CATSPERT: variants seen among roughly 807,000 people sequenced by gnomAD.
The protein encoded by CATSPERT is catsper channel auxiliary subunit tau.
chr2:201,572,176 AG>A, the CATSPERT span, among the ~76,000 whole-genome samples: 1 of 152,248 alleles, frequency 6.6e-6, no homozygotes, highest in Non-Finnish European at 1.5e-5. Context: ...GAATTAAGAG[AG>A]GAAAGAAGAC....
chr2:201,548,626 A>T, the CATSPERT span, among the ~76,000 whole-genome samples: 1 of 152,170 alleles, frequency 6.6e-6, no homozygotes, highest in Non-Finnish European at 1.5e-5. Flanking sequence ...AAGCTTGAAT[A>T]CCTTAAAGAT....
At chr2:201,592,450 G>A in the CATSPERT span, among the ~76,000 whole-genome samples, 2 of 147,498 alleles carry the variant, frequency 1.4e-5, no homozygotes, top group Non-Finnish European at 3.0e-5. Context: ...CTCTTTTTTG[G>A]TTGTGTCTCT....
At chr2:201,591,624 A>G in the CATSPERT span, among the ~76,000 whole-genome samples, 1 of 152,156 alleles carries the variant, frequency 6.6e-6, no homozygotes, top group Non-Finnish European at 1.5e-5. Flanking sequence ...TGAGCATGGA[A>G]TATTCTTCCA....
At chr2:201,530,352 A>C in the CATSPERT span, among the ~76,000 whole-genome samples, 1 of 152,238 alleles carries the variant, frequency 6.6e-6, no homozygotes, top group East Asian at 1.9e-4. Context: ...AAGCAACTTA[A>C]GTGTCTATCA....
chr2:201,575,351 A>G, the CATSPERT span: 4 of 1,557,070 alleles, frequency 2.6e-6, no homozygotes, highest in African/African-American at 1.4e-5. Flanking sequence ...AAAAATTTTA[A>G]ATATAGAATT....
the CATSPERT span, among the ~76,000 whole-genome samples, chr2:201,584,987 C>G: frequency 6.6e-6 from 1 of 152,066 alleles, no homozygotes; most frequent in African/African-American, 2.4e-5. Flanking sequence ...AGGTGACAGA[C>G]TGACAAGTGA....
chr2:201,591,444 C>T, the CATSPERT span, among the ~76,000 whole-genome samples: 2 of 152,102 alleles, frequency 1.3e-5, no homozygotes, highest in African/African-American at 4.8e-5. Flanking sequence ...GTTCTTTTGG[C>T]TTAGGATTGA....
chr2:201,586,080 C>A, the CATSPERT span, among the ~76,000 whole-genome samples: 2 of 152,162 alleles, frequency 1.3e-5, no homozygotes, highest in African/African-American at 4.8e-5. Flanking sequence ...ACTTAATGAA[C>A]AGTAAATACG....
chr2:201,560,365 G>A, the CATSPERT span, among the ~76,000 whole-genome samples: 2 of 151,682 alleles, frequency 1.3e-5, no homozygotes, highest in African/African-American at 4.8e-5. Context: ...GGAGGTTGCA[G>A]TGAGCCGAGA....
At chr2:201,509,459 A>G in the CATSPERT span, among the ~76,000 whole-genome samples, 3 of 150,942 alleles carry the variant, frequency 2.0e-5, no homozygotes, top group African/African-American at 2.5e-5. Flanking sequence ...CCTTGATGCA[A>G]GAAGTTTTTA....
At chr2:201,544,639 C>T in the CATSPERT span, among the ~76,000 whole-genome samples, 23 of 151,816 alleles carry the variant, frequency 1.5e-4, no homozygotes, top group African/African-American at 5.6e-4. Flanking sequence ...ATAAAAATGC[C>T]TTTTCACAGG....
the CATSPERT span, among the ~76,000 whole-genome samples, chr2:201,574,031 A>G: frequency 4.6e-5 from 7 of 152,216 alleles, no homozygotes; most frequent in Non-Finnish European, 8.8e-5. Context: ...AATCATAGTA[A>G]AGTCTCATCT....
At chr2:201,575,327 C>T in the CATSPERT span, 1 of 1,587,046 alleles carries the variant, frequency 6.3e-7, no homozygotes, top group Non-Finnish European at 8.6e-7. Flanking sequence ...AGCACCCTTT[C>T]TAGAAAAAAA....
chr2:201,495,918 T>C, the CATSPERT span: 1 of 1,597,980 alleles, frequency 6.3e-7, no homozygotes, highest in Non-Finnish European at 8.5e-7. Flanking sequence ...TTGAATTCTA[T>C]ATATTCTGGT....
chr2:201,581,548 GTATATATATATATATATATATATATA>G, the CATSPERT span, among the ~76,000 whole-genome samples: 30 of 9,656 alleles, frequency 3.1e-3, 3 homozygotes, highest in South Asian at 0.012. Flanking sequence ...AAAAATGTGT[GTATATATATATATATATATATATATA>G]TATATATATA....
At chr2:201,608,540 G>A in the CATSPERT span, among the ~76,000 whole-genome samples, 1 of 152,088 alleles carries the variant, frequency 6.6e-6, no homozygotes, top group Non-Finnish European at 1.5e-5. Flanking sequence ...AAATACGCTG[G>A]ACACAGTGGC....
chr2:201,601,792 C>T, the CATSPERT span: 11 of 1,612,044 alleles, frequency 6.8e-6, no homozygotes, highest in South Asian at 2.2e-5. Flanking sequence ...TTCTTCTCAT[C>T]GTTTTTGGAT....
At chr2:201,499,871 ATAT>A in the CATSPERT span, among the ~76,000 whole-genome samples, 1 of 147,576 alleles carries the variant, frequency 6.8e-6, no homozygotes, top group South Asian at 2.1e-4. Context: ...ATATTAATAT[ATAT>A]TGAGTATATA....
the CATSPERT span, among the ~76,000 whole-genome samples, chr2:201,579,771 C>T: frequency 2.1e-3 from 317 of 151,974 alleles, no homozygotes; most frequent in African/African-American, 7.2e-3. Flanking sequence ...TTAACATTTT[C>T]CCCTACTCAC....
Sources: gnomAD v4.1 joint callset for allele counts (sites outside exome capture counted in the v4.1 genomes callset) on GRCh38, gnomAD v4.1.1 for gene constraint, MANE v1.5 for transcripts, NCBI Gene and HGNC (gene_info 2026-07-23, HGNC 2026-07-21) for gene names.